CSTPP1: variants seen among roughly 807,000 people sequenced by gnomAD.
The protein encoded by CSTPP1 is UPF0705 protein C11orf49.
chr11:47,068,501 C>T, the CSTPP1 span, among the ~76,000 whole-genome samples: 1 of 151,906 alleles, frequency 6.6e-6, no homozygotes, highest in Admixed American at 6.6e-5. Flanking sequence ...CACTGCACTC[C>T]AATATGGGTG....
At chr11:47,139,537 G>A in the CSTPP1 span, among the ~76,000 whole-genome samples, 5 of 152,156 alleles carry the variant, frequency 3.3e-5, no homozygotes, top group Admixed American at 6.5e-5. Flanking sequence ...AGCCTGGCGT[G>A]GTGGCAGGCA....
At chr11:47,017,237 C>T in the CSTPP1 span, among the ~76,000 whole-genome samples, 1 of 145,278 alleles carries the variant, frequency 6.9e-6, no homozygotes, top group South Asian at 2.2e-4. Context: ...TGCAGTGGCG[C>T]AATCTTGGCT....
At chr11:47,002,487 T>C in the CSTPP1 span, among the ~76,000 whole-genome samples, 1 of 152,286 alleles carries the variant, frequency 6.6e-6, no homozygotes, top group African/African-American at 2.4e-5. Context: ...CAGGAAACTA[T>C]CCAGCAGCAC....
the CSTPP1 span, among the ~76,000 whole-genome samples, chr11:47,021,400 A>C: frequency 6.6e-6 from 1 of 151,958 alleles, no homozygotes. Flanking sequence ...CCAGCTCACA[A>C]CTCTAAGAAG....
the CSTPP1 span, among the ~76,000 whole-genome samples, chr11:47,039,040 C>G: frequency 2.4e-5 from 3 of 124,444 alleles, no homozygotes; most frequent in African/African-American, 7.5e-5. Context: ...CGGGCAGAGA[C>G]GCTCCTCACT....
chr11:47,012,729 G>T, the CSTPP1 span, among the ~76,000 whole-genome samples: 1 of 151,996 alleles, frequency 6.6e-6, no homozygotes, highest in Non-Finnish European at 1.5e-5. Flanking sequence ...ATGCCACTAG[G>T]TCTTCTCTGA....
the CSTPP1 span, among the ~76,000 whole-genome samples, chr11:47,047,669 C>T: frequency 6.6e-6 from 1 of 152,158 alleles, no homozygotes; most frequent in Non-Finnish European, 1.5e-5. Context: ...AATTGGACTT[C>T]ATCAAAATTA....
At chr11:47,037,875 A>C in the CSTPP1 span, among the ~76,000 whole-genome samples, 1 of 127,436 alleles carries the variant, frequency 7.8e-6, no homozygotes, top group African/African-American at 2.5e-5. Flanking sequence ...CATTGTCATC[A>C]TGGCCCCTTC....
chr11:47,124,929 A>G, the CSTPP1 span, among the ~76,000 whole-genome samples: 1 of 152,222 alleles, frequency 6.6e-6, no homozygotes, highest in Non-Finnish European at 1.5e-5. Flanking sequence ...TTATTAAAAT[A>G]AGATGAGTGA....
At chr11:47,075,320 G>A in the CSTPP1 span, among the ~76,000 whole-genome samples, 4 of 152,214 alleles carry the variant, frequency 2.6e-5, no homozygotes, top group South Asian at 2.1e-4. Context: ...GCAGTGAGCC[G>A]AGATCGCAGC....
the CSTPP1 span, among the ~76,000 whole-genome samples, chr11:47,070,514 A>T: frequency 6.6e-6 from 1 of 152,166 alleles, no homozygotes; most frequent in Non-Finnish European, 1.5e-5. Context: ...ATTAATTTTA[A>T]CAAGCATTTC....
the CSTPP1 span, among the ~76,000 whole-genome samples, chr11:47,129,848 C>T: frequency 1.3e-5 from 2 of 152,248 alleles, no homozygotes; most frequent in South Asian, 4.1e-4. Context: ...TAAACGTTGC[C>T]ATAAAATTGT....
the CSTPP1 span, among the ~76,000 whole-genome samples, chr11:47,104,096 A>G: frequency 2.0e-5 from 3 of 152,204 alleles, no homozygotes; most frequent in South Asian, 6.2e-4. Flanking sequence ...CTACTTACCC[A>G]TTTCATGGTG....
At chr11:47,071,652 A>C in the CSTPP1 span, among the ~76,000 whole-genome samples, 1 of 152,008 alleles carries the variant, frequency 6.6e-6, no homozygotes, top group Non-Finnish European at 1.5e-5. Flanking sequence ...GTGCTTACTT[A>C]TATAGTCCAC....
At chr11:47,063,983 G>T in the CSTPP1 span, among the ~76,000 whole-genome samples, 1 of 152,092 alleles carries the variant, frequency 6.6e-6, no homozygotes, top group Non-Finnish European at 1.5e-5. Flanking sequence ...CCCCAATAAT[G>T]CTTGTTGCTA....
chr11:47,130,255 CA>C, the CSTPP1 span, among the ~76,000 whole-genome samples: 635 of 110,184 alleles, frequency 5.8e-3, 8 homozygotes, highest in East Asian at 0.031. Flanking sequence ...GACTCTGTCT[CA>C]AAAAAAAAAA....
chr11:47,140,330 T>C, the CSTPP1 span, among the ~76,000 whole-genome samples: 1 of 152,246 alleles, frequency 6.6e-6, no homozygotes, highest in Admixed American at 6.5e-5. Context: ...AGATTATCTC[T>C]TGTAATTTAA....
At chr11:47,096,323 C>T in the CSTPP1 span, among the ~76,000 whole-genome samples, 17 of 152,262 alleles carry the variant, frequency 1.1e-4, no homozygotes, top group East Asian at 2.9e-3. Context: ...TGAAACCGTA[C>T]CCATTAAACA....
chr11:47,045,179 C>A, the CSTPP1 span, among the ~76,000 whole-genome samples: 1 of 152,140 alleles, frequency 6.6e-6, no homozygotes, highest in Non-Finnish European at 1.5e-5. Context: ...AGATAAGTAA[C>A]AACCAGAATT....
Sources: gnomAD v4.1 joint callset for allele counts (sites outside exome capture counted in the v4.1 genomes callset) on GRCh38, gnomAD v4.1.1 for gene constraint, MANE v1.5 for transcripts, NCBI Gene and HGNC (gene_info 2026-07-23, HGNC 2026-07-21) for gene names.